The following SGCZ variants were observed in gnomAD, a reference collection of about 807,000 sequenced individuals.
SGCZ encodes sarcoglycan zeta.
In SGCZ, 40 loss-of-function variants were observed where a neutral mutation model predicts 41.3. The observed-to-expected ratio is 0.97, with a 90% confidence interval of 0.75 to 1.26. The LOEUF (loss-of-function observed/expected upper bound fraction) is 1.26. Among genes scored for constraint, SGCZ ranks in the 50% most tolerant of loss-of-function variants. SGCZ has a pLI of 0.00. For missense variants in SGCZ, 552 were observed against 369.8 expected (o/e 1.49, Z -4.04); for synonymous variants, 206 against 137.5 (o/e 1.50, Z -3.49).
chr8:14,556,778 T>A (rs1489477632), intron 1 of SGCZ, among the ~76,000 whole-genome samples: 2 of 152,092 alleles, frequency 1.3e-5, no homozygotes, highest in African/African-American at 4.8e-5. Flanking sequence ...ATTAATTCCT[T>A]CCTTTTTATG....
chr8:14,155,688 C>G (rs1803855357), intron 5 of SGCZ, among the ~76,000 whole-genome samples: 1 of 150,222 alleles, frequency 6.7e-6, no homozygotes, highest in Non-Finnish European at 1.5e-5. Flanking sequence ...AACGTATTGT[C>G]ATTATATATG....
At chr8:14,244,626 G>A (rs950432372) in intron 3 of SGCZ, among the ~76,000 whole-genome samples, 1 of 151,408 alleles carries the variant, frequency 6.6e-6, no homozygotes, top group Non-Finnish European at 1.5e-5. Flanking sequence ...CCAATTCTGT[G>A]CAGAAAGGCA....
At chr8:14,741,360 T>G (rs1375783275) in intron 1 of SGCZ, among the ~76,000 whole-genome samples, 1 of 152,060 alleles carries the variant, frequency 6.6e-6, no homozygotes, top group South Asian at 2.1e-4. Flanking sequence ...TTACAGTAGA[T>G]CCTCACAAAG....
intron 2 of SGCZ, among the ~76,000 whole-genome samples, chr8:14,399,046 G>A (rs1457782773): frequency 6.6e-6 from 1 of 152,040 alleles, no homozygotes; most frequent in Non-Finnish European, 1.5e-5. Context: ...CCAAGCTACA[G>A]ATCTCTCAGG....
At chr8:14,441,510 G>A (rs1236145788) in intron 2 of SGCZ, among the ~76,000 whole-genome samples, 7 of 152,182 alleles carry the variant, frequency 4.6e-5, no homozygotes, top group African/African-American at 1.7e-4. Flanking sequence ...GGGAGGTGGA[G>A]GTTGCAGTAA....
intron 4 of SGCZ, among the ~76,000 whole-genome samples, chr8:14,214,864 T>C (rs990159421): frequency 1.3e-5 from 2 of 151,950 alleles, no homozygotes; most frequent in South Asian, 4.1e-4. Flanking sequence ...TCACAATATA[T>C]GAAGTAAAAA....
chr8:14,654,137 T>C (rs1225244274), intron 1 of SGCZ, among the ~76,000 whole-genome samples: 1 of 151,310 alleles, frequency 6.6e-6, no homozygotes, highest in African/African-American at 2.4e-5. Flanking sequence ...ACACACAGAG[T>C]AGTAGAATAG....
At chr8:15,148,237 G>C (rs1799087179) in intron 1 of SGCZ, among the ~76,000 whole-genome samples, 1 of 152,050 alleles carries the variant, frequency 6.6e-6, no homozygotes, top group African/African-American at 2.4e-5. Flanking sequence ...ACTCTCTCTT[G>C]GATGATGTGA....
intron 1 of SGCZ, among the ~76,000 whole-genome samples, chr8:14,925,940 GA>G (rs1339242292): frequency 6.6e-6 from 1 of 152,206 alleles, no homozygotes; most frequent in Non-Finnish European, 1.5e-5. Context: ...ACAGGGCAGA[GA>G]TGTTGTTTTT....
intron 2 of SGCZ, among the ~76,000 whole-genome samples, chr8:14,378,087 T>A (rs1221475722): frequency 6.7e-6 from 1 of 149,974 alleles, no homozygotes; most frequent in Admixed American, 6.7e-5. Flanking sequence ...TAGTTCTAGA[T>A]CCCTGAGGAA....
intron 4 of SGCZ, among the ~76,000 whole-genome samples, chr8:14,227,085 G>A (rs368943543): frequency 6.6e-6 from 1 of 152,052 alleles, no homozygotes; most frequent in East Asian, 1.9e-4. Context: ...GCCCGCAAGT[G>A]AGAAGAATAA....
chr8:14,872,185 G>A (rs1436562877), intron 1 of SGCZ, among the ~76,000 whole-genome samples: 1 of 151,994 alleles, frequency 6.6e-6, no homozygotes, highest in Non-Finnish European at 1.5e-5. Flanking sequence ...AGGGGCTAGG[G>A]GAGGGATAGC....
intron 3 of SGCZ, among the ~76,000 whole-genome samples, chr8:14,278,661 A>C (rs1411026335): frequency 6.6e-6 from 1 of 152,168 alleles, no homozygotes; most frequent in South Asian, 2.1e-4. Flanking sequence ...ATATTCTGCC[A>C]ATGAAATTGC....
intron 1 of SGCZ, among the ~76,000 whole-genome samples, chr8:14,616,967 T>C (rs1806125797): frequency 6.6e-6 from 1 of 152,140 alleles, no homozygotes; most frequent in Non-Finnish European, 1.5e-5. Context: ...GCCATTTCTT[T>C]TCTGAGTTTT....
chr8:14,686,802 G>C (rs1808625653), intron 1 of SGCZ, among the ~76,000 whole-genome samples: 1 of 152,040 alleles, frequency 6.6e-6, no homozygotes, highest in South Asian at 2.1e-4. Context: ...ATCAAATTCT[G>C]ATTGTCCAGG....
intron 2 of SGCZ, among the ~76,000 whole-genome samples, chr8:14,443,072 A>C (rs1309848676): frequency 6.6e-6 from 1 of 152,204 alleles, no homozygotes; most frequent in Non-Finnish European, 1.5e-5. Flanking sequence ...TGCTTCAAAG[A>C]AAATAAAATA....
At chr8:14,895,249 G>T (rs938333452) in intron 1 of SGCZ, among the ~76,000 whole-genome samples, 1 of 152,112 alleles carries the variant, frequency 6.6e-6, no homozygotes, top group African/African-American at 2.4e-5. Context: ...TCCTACCTCT[G>T]CCATGTAATC....
chr8:14,444,254 C>T (rs1176203876), intron 2 of SGCZ, among the ~76,000 whole-genome samples: 9 of 152,096 alleles, frequency 5.9e-5, no homozygotes, highest in Non-Finnish European at 1.2e-4. Context: ...GTCAGTGTGG[C>T]GATTCCTCAG....
At chr8:15,071,777 G>A (rs1296016542) in intron 1 of SGCZ, among the ~76,000 whole-genome samples, 1 of 152,036 alleles carries the variant, frequency 6.6e-6, no homozygotes, top group African/African-American at 2.4e-5. Context: ...TATGACCTGA[G>A]TGACTCTTCC....
Sources: gnomAD v4.1 joint callset for allele counts (sites outside exome capture counted in the v4.1 genomes callset) on GRCh38, gnomAD v4.1.1 for gene constraint, MANE v1.5 for transcripts, NCBI Gene and HGNC (gene_info 2026-07-23, HGNC 2026-07-21) for gene names.